Variants in LEPR observed in about 807,000 individuals in gnomAD.
The protein encoded by LEPR is OB receptor.
In LEPR, 56 loss-of-function variants were observed where a neutral mutation model predicts 114.7. The ratio of observed to expected loss-of-function variants is 0.49; its 90% confidence interval spans 0.39 to 0.61. The LOEUF (loss-of-function observed/expected upper bound fraction) is 0.61, where lower values mean the gene tolerates loss of function less well. Among genes scored for constraint, LEPR ranks in the 20% least tolerant of loss-of-function variants. The probability of loss-of-function intolerance (pLI) is 0.00; values close to 1 mark genes in which losing one functional copy is unlikely to be tolerated. For synonymous variants in LEPR, 443 were observed against 461.4 expected, an observed-to-expected ratio of 0.96 and a Z score of 0.51; for missense variants, 1,202 against 1,352.9, an observed-to-expected ratio of 0.89 and a Z score of 1.75.
intron 2 of LEPR, among the ~76,000 whole-genome samples, chr1:65,522,063 GTTATAA>G (rs1021267569): frequency 5.3e-5 from 8 of 152,130 alleles, no homozygotes; most frequent in African/African-American, 1.9e-4. Context: ...TATAATCATA[GTTATAA>G]TTATTATTTT....
At chr1:65,517,491 G>A (rs1195526447) in intron 2 of LEPR, among the ~76,000 whole-genome samples, 1 of 152,170 alleles carries the variant, frequency 6.6e-6, no homozygotes, top group Non-Finnish European at 1.5e-5. Context: ...ACAAATGTGG[G>A]CAAAGTAAGT....
At chr1:65,609,570 C>A (rs547265618) in intron 12 of LEPR, among the ~76,000 whole-genome samples, 1 of 152,140 alleles carries the variant, frequency 6.6e-6, no homozygotes, top group Admixed American at 6.5e-5. Flanking sequence ...TGAATATCAG[C>A]GATTTGCTAC....
At chr1:65,572,293 T>TG in intron 4 of LEPR, 33 bp from the exon 5 acceptor site, 4 of 1,055,812 alleles carry the variant, frequency 3.8e-6, no homozygotes, top group African/African-American at 1.9e-5. Context: ...TGTAGTTGTT[T>TG]TTTTTTTTTT....
intron 3 of LEPR, among the ~76,000 whole-genome samples, chr1:65,567,605 T>A (rs1653861028): frequency 6.6e-6 from 1 of 152,230 alleles, no homozygotes; most frequent in Non-Finnish European, 1.5e-5. Flanking sequence ...TATTAATTTA[T>A]ATCTATAGAA....
intron 2 of LEPR, among the ~76,000 whole-genome samples, chr1:65,468,744 G>A (rs772836058): frequency 6.6e-6 from 1 of 152,190 alleles, no homozygotes; most frequent in Non-Finnish European, 1.5e-5. Flanking sequence ...ACAGTTCGTT[G>A]GTGTGACCTG....
intron 2 of LEPR, among the ~76,000 whole-genome samples, chr1:65,553,141 C>T (rs558383707): frequency 6.6e-6 from 1 of 152,240 alleles, no homozygotes; most frequent in African/African-American, 2.4e-5. Flanking sequence ...CTCTGGCTGC[C>T]CTTGACGTTT....
At chr1:65,430,084 G>A (rs759503628) in intron 2 of LEPR, 5 of 1,511,034 alleles carry the variant, frequency 3.3e-6, no homozygotes, top group South Asian at 2.6e-5. Context: ...CCCAACCGTT[G>A]CTGAGTTTAC....
chr1:65,497,182 G>A (rs1648207465), intron 2 of LEPR, among the ~76,000 whole-genome samples: 1 of 151,968 alleles, frequency 6.6e-6, no homozygotes, highest in South Asian at 2.1e-4. Context: ...TCACATTCCA[G>A]TCCTGTCATG....
chr1:65,619,891 T>G (rs3790439), intron 16 of LEPR, 37 bp from the exon 17 acceptor site: 3 of 1,474,632 alleles, frequency 2.0e-6, no homozygotes, highest in Non-Finnish European at 1.9e-6. Context: ...ACTATTAATT[T>G]TGTATAAATG....
rs1482124619 is a variant in LEPR, at chr1:65,570,569, A to G, written c.137A>G (p.Tyr46Cys). The change falls in exon 4 of 20, where the codon TAC (tyrosine) becomes TGC (cysteine). Residue 46 changes from tyrosine to cysteine, a missense_variant. Tyr to Cys is a radical substitution (Grantham distance 194). Transcript: ENST00000349533. ...SCMPPNSTYD[Y>C]FLLPAGLSKN... ...ATGCCACCAAATTCAACCTATGACTACTTCCTTTTGCCTGCTGGACTCTCA... is the reference window on the plus strand; with the variant it reads ...ATGCCACCAAATTCAACCTATGACTGCTTCCTTTTGCCTGCTGGACTCTCA... 1 of 1,613,996 alleles carries G rather than the reference A, an allele frequency of 6.2e-7. No homozygotes were observed.
At chr1:65,593,274 C>T (rs1249665714) in intron 6 of LEPR, among the ~76,000 whole-genome samples, 3 of 152,050 alleles carry the variant, frequency 2.0e-5, no homozygotes, top group Non-Finnish European at 2.9e-5. Flanking sequence ...GGACATTAGA[C>T]ATAGTTCCCA....
intron 11 of LEPR, among the ~76,000 whole-genome samples, chr1:65,608,353 C>G (rs974885981): frequency 1.1e-4 from 16 of 151,960 alleles, no homozygotes; most frequent in African/African-American, 3.4e-4. Flanking sequence ...GCCTCAGCCT[C>G]CTGAGTAGCT....
chr1:65,604,048 A>G lies in LEPR; in HGVS notation c.1404-990A>G, dbSNP rs936406731. On this transcript the variant is annotated intron_variant, in intron 10 of 19. Coordinates refer to ENST00000349533, the MANE Select transcript of LEPR (RefSeq NM_002303.6). ...ATTTGCCTTCCTTGCCATCTCAGGAATGCTCCATGACTACTTTCATCTATA... is the reference window on the plus strand; with the variant it reads ...ATTTGCCTTCCTTGCCATCTCAGGAGTGCTCCATGACTACTTTCATCTATA... Among the ~76,000 whole-genome samples, 7 of 152,176 alleles carry G rather than the reference A, an allele frequency of 4.6e-5. No individual in the cohort carries two copies. The East Asian group carries it at 7.7e-4, about 17-fold the overall frequency.
chr1:65,517,634 G>T (rs1201068110), intron 2 of LEPR, among the ~76,000 whole-genome samples: 1 of 152,110 alleles, frequency 6.6e-6, no homozygotes, highest in Non-Finnish European at 1.5e-5. Flanking sequence ...TTATTTAAAT[G>T]CTCTGAAGTT....
chr1:65,550,364 T>G (rs1205460784), intron 2 of LEPR, among the ~76,000 whole-genome samples: 1 of 152,226 alleles, frequency 6.6e-6, no homozygotes. Flanking sequence ...CAGGAACATT[T>G]AAGTCTGCAG....
At chr1:65,503,560 A>T (rs1648569881) in intron 2 of LEPR, among the ~76,000 whole-genome samples, 1 of 152,148 alleles carries the variant, frequency 6.6e-6, no homozygotes. Context: ...ACCATCATAC[A>T]TCTAATCTGG....
intron 2 of LEPR, among the ~76,000 whole-genome samples, chr1:65,550,306 C>A (rs889427486): frequency 4.6e-5 from 7 of 152,178 alleles, no homozygotes; most frequent in Non-Finnish European, 8.8e-5. Context: ...GTTCTCAGGT[C>A]TCCAGCTGCG....
chr1:65,467,477 G>A lies in LEPR; in HGVS notation c.-21+42099G>A, dbSNP rs561135942. Among the ~76,000 whole-genome samples, 8 of 152,320 alleles carry A rather than the reference G, an allele frequency of 5.3e-5. No homozygotes were observed. In the South Asian group the frequency reaches 1.4e-3, roughly 28 times the overall value. On this transcript the variant is annotated intron_variant, in intron 2 of 19. Transcript: ENST00000349533. ...CTACTGGAAGGTGTTTCCCAGTAAG[G>A]CTACACGGGGGTCAGGGACCCACTT...
intron 2 of LEPR, among the ~76,000 whole-genome samples, chr1:65,536,265 C>A (rs891733327): frequency 6.6e-6 from 1 of 152,120 alleles, no homozygotes; most frequent in African/African-American, 2.4e-5. Context: ...TCTCTTGCTT[C>A]CATGCTGTCA....
Sources: gnomAD v4.1 joint callset for allele counts (sites outside exome capture counted in the v4.1 genomes callset) on GRCh38, gnomAD v4.1.1 for gene constraint, MANE v1.5 for transcripts, NCBI Gene and HGNC (gene_info 2026-07-23, HGNC 2026-07-21) for gene names.